MYO10: variants seen among roughly 807,000 people sequenced by gnomAD.
MYO10 encodes myosin X.
In MYO10, 133 loss-of-function variants were observed where a neutral mutation model predicts 257.3. That is an observed-to-expected ratio of 0.52 (90% confidence interval 0.45 to 0.60). The LOEUF (loss-of-function observed/expected upper bound fraction) is 0.60. MYO10 is among the 20% of genes least tolerant of loss of function. The pLI is 0.00. For synonymous variants in MYO10, 1,104 were observed against 1,028.6 expected (o/e 1.07, Z -1.40); for missense variants, 2,399 against 2,635.7 (o/e 0.91, Z 1.97).
intron 1 of MYO10, among the ~76,000 whole-genome samples, chr5:16,903,729 C>CA (rs1745447919): frequency 1.3e-5 from 2 of 152,310 alleles, no homozygotes; most frequent in South Asian, 2.1e-4. Flanking sequence ...AGCCTGCTCT[C>CA]AAACAGTTTA....
intron 33 of MYO10, among the ~76,000 whole-genome samples, 170 bp from the exon 34 acceptor site, chr5:16,676,324 C>A (rs2126481043): frequency 6.6e-6 from 1 of 152,266 alleles, no homozygotes; most frequent in South Asian, 2.1e-4. Flanking sequence ...GAAGACAAAT[C>A]ACAAAAATAC....
chr5:16,701,617 C>T lies in MYO10; in HGVS notation c.2778G>A (p.Glu926=). Residue 926 remains glutamate, a synonymous_variant, in exon 25 of 41, where the codon GAG becomes GAA. Coordinates refer to ENST00000513610, the MANE Select transcript of MYO10 (RefSeq NM_012334.3). This position sits in a 1 kb window ranked among gnomAD's most constrained non-coding sequence, Gnocchi z 8.1. The part of the protein sequence containing the change: ...LQKLQERRDQ[E]LRRLEEEACR... ...ACGCTTCCTCCTCCAGCCTGCGGAG[C>T]TCCTGGTCCCGCCGCTCCTGCAGCT... The T allele has an allele frequency of 6.2e-7, 1 of 1,611,624 alleles. No individual in the cohort carries two copies. The highest frequency in any genetic ancestry group is 1.1e-5 in the South Asian group (1 of 90,864).
chr5:16,682,007 G>A lies in MYO10; in HGVS notation c.4053C>T (p.Asn1351=). 6.2e-7 allele frequency: 1 copy of A among 1,613,198 alleles called. No individual in the cohort carries two copies. Among genetic ancestry groups the A allele is most frequent in the Non-Finnish European group, 8.5e-7 (1 of 1,179,850 alleles). The part of the protein sequence containing the change: ...VCASDSPDRP[N]SFVIITANRV... ...GGTTGGCCGTGATGATCACAAACGA[G>A]TTGGGTCTGAGCCACAAGATGAGAA... The change falls in exon 31 of 41, where the codon AAC becomes AAT. Residue 1351 remains asparagine (N), a synonymous_variant. Coordinates refer to ENST00000513610, the MANE Select transcript of MYO10 (RefSeq NM_012334.3).
At chr5:16,855,227 G>A (rs1370486492) in intron 2 of MYO10, among the ~76,000 whole-genome samples, 1 of 152,118 alleles carries the variant, frequency 6.6e-6, no homozygotes, top group Non-Finnish European at 1.5e-5. Context: ...GAATACTCAA[G>A]AGTATGGCTT....
At chr5:16,789,580 G>A (rs59962379) in intron 4 of MYO10, among the ~76,000 whole-genome samples, 12,150 of 152,136 alleles carry the variant, frequency 0.08, 604 homozygotes, top group East Asian at 0.21. Flanking sequence ...TTGAGGTCAG[G>A]AGTTGGAGAC....
chr5:16,875,012 A>G (rs1744560505), intron 2 of MYO10, among the ~76,000 whole-genome samples: 1 of 152,168 alleles, frequency 6.6e-6, no homozygotes, highest in Admixed American at 6.5e-5. Context: ...TGATAAACCC[A>G]TCAGATCTCA....
At chr5:16,838,823 G>A (rs1031604653) in intron 2 of MYO10, among the ~76,000 whole-genome samples, 5 of 152,198 alleles carry the variant, frequency 3.3e-5, no homozygotes, top group African/African-American at 1.2e-4. Context: ...TTCTGAAAAC[G>A]TTAGAGCTCT....
intron 19 of MYO10, among the ~76,000 whole-genome samples, chr5:16,745,704 T>A (rs1320225094): frequency 2.0e-5 from 3 of 152,032 alleles, no homozygotes; most frequent in Admixed American, 2.0e-4. Context: ...ATGAAAAAAT[T>A]AAAATTAAAA....
At chr5:16,826,610 C>T (rs1272560484) in intron 2 of MYO10, among the ~76,000 whole-genome samples, 1 of 152,166 alleles carries the variant, frequency 6.6e-6, no homozygotes, top group East Asian at 1.9e-4. Flanking sequence ...AGGGAGGCTG[C>T]GTGTGCGTTC....
Position 16,679,948 on chromosome 5 carries a change from T to C in MYO10, c.4541A>G (p.Lys1514Arg), listed in dbSNP as rs764263705. 10 of 1,613,472 alleles carry C rather than the reference T, an allele frequency of 6.2e-6. No individual in the cohort carries two copies. In the Admixed American group the frequency reaches 1.3e-4, roughly 22 times the overall value. ...CTTGATGGGCTTGTCTTGGCTTACC[T>C]TGATATCTTGAATCAGCTGCTGGGT... is the stretch of plus-strand genomic sequence containing the variant. Reference protein sequence around the residue: ...TPTQQLIQDIKENCLNSDVVE... With the variant: ...TPTQQLIQDIRENCLNSDVVE... The change falls in exon 33 of 41, where the codon AAG (lysine) becomes AGG (arginine). Residue 1514 changes from lysine (K) to arginine (R), a missense_variant and splice_region_variant. This residue lies in a region of MYO10 where 1,820 missense variants were observed against 1,939.4 expected (regional missense o/e 0.94). Transcript: ENST00000513610.
chr5:16,765,361 C>A (rs976584821), intron 11 of MYO10, among the ~76,000 whole-genome samples: 9 of 152,332 alleles, frequency 5.9e-5, no homozygotes, highest in Admixed American at 2.0e-4. Flanking sequence ...TGCCCTAGAA[C>A]ATCGGACTCC....
chr5:16,913,106 AT>A (rs1448118258), intron 1 of MYO10, among the ~76,000 whole-genome samples: 2 of 152,292 alleles, frequency 1.3e-5, no homozygotes, highest in African/African-American at 4.8e-5. Flanking sequence ...AAACACAAAA[AT>A]AAACCATTTC....
At chr5:16,687,143 G>A (rs2126513269) in intron 28 of MYO10, among the ~76,000 whole-genome samples, 1 of 151,958 alleles carries the variant, frequency 6.6e-6, no homozygotes, top group East Asian at 2.0e-4. Flanking sequence ...GAAATTTACT[G>A]AGGCCCAGTC....
Position 16,866,346 on chromosome 5 carries a change from A to G in MYO10, c.120+11263T>C, listed in dbSNP as rs570634412. 1.1e-4 allele frequency among the ~76,000 whole-genome samples: 17 copies of G among 152,354 alleles called. No homozygotes were observed. The East Asian group carries it at 3.3e-3, about 29-fold the overall frequency. Reference sequence around the variant, plus strand: ...TTGTATTTTGTTGAGCCATACTGTCATCAGACAGAAGAGTCACCAGAAAAA... The same window carrying G: ...TTGTATTTTGTTGAGCCATACTGTCGTCAGACAGAAGAGTCACCAGAAAAA... On this transcript the variant is annotated intron_variant, in intron 2 of 40. Transcript: ENST00000513610.
chr5:16,746,183 C>T (rs765695161), intron 19 of MYO10, among the ~76,000 whole-genome samples: 11 of 152,138 alleles, frequency 7.2e-5, no homozygotes, highest in African/African-American at 2.7e-4. Context: ...CTGAGGCTGC[C>T]GTGGCATTTG....
intron 3 of MYO10, among the ~76,000 whole-genome samples, chr5:16,801,301 G>T (rs568167803): frequency 5.8e-4 from 89 of 152,210 alleles, no homozygotes; most frequent in Admixed American, 1.6e-3. Flanking sequence ...TCCGCCTCCC[G>T]GGTTAAAGCA....
At chr5:16,814,279 C>A (rs1043304726) in intron 3 of MYO10, among the ~76,000 whole-genome samples, 2 of 152,082 alleles carry the variant, frequency 1.3e-5, no homozygotes, top group Non-Finnish European at 2.9e-5. Context: ...GTACCTAGGA[C>A]TACAGGCGCC....
Position 16,685,800 on chromosome 5 carries a change from C to G in MYO10, c.3928G>C (p.Ala1310Pro). ...QWFSVLSQVH[A>P]STDQEIQEMH... ...TCCTGGATCTCCTGGTCCGTGGACG[C>G]GTGGACCTGACTCAGCACGCTGAAC... The change falls in exon 29 of 41, where the codon GCG (alanine) becomes CCG (proline). Residue 1310 changes from alanine (A) to proline (P), a missense_variant. Around this residue, in one of 3 missense-constraint regions of MYO10, gnomAD observed 1,820 missense variants for 1,939.4 expected, o/e 0.94. Coordinates refer to ENST00000513610, the MANE Select transcript of MYO10 (RefSeq NM_012334.3). 2 of 1,603,410 alleles carry G rather than the reference C, an allele frequency of 1.2e-6. No individual in the cohort carries two copies. Among genetic ancestry groups the G allele is most frequent in the Non-Finnish European group, 1.7e-6 (2 of 1,175,380 alleles).
intron 2 of MYO10, among the ~76,000 whole-genome samples, chr5:16,842,119 A>G (rs1743500499): frequency 6.6e-6 from 1 of 152,214 alleles, no homozygotes; most frequent in Admixed American, 6.5e-5. Flanking sequence ...GAAGCATCTT[A>G]TAGAACCCTT....
Sources: allele counts gnomAD v4.1 joint callset (sites outside exome capture counted in the v4.1 genomes callset), GRCh38; gene constraint gnomAD v4.1.1; regional missense constraint gnomAD v4.1.1; non-coding constraint Gnocchi (gnomAD v3.1); transcripts MANE v1.5; gene names NCBI Gene and HGNC (gene_info 2026-07-23, HGNC 2026-07-21).